MYO5A: variants seen among roughly 807,000 people sequenced by gnomAD.
MYO5A encodes the protein unconventional myosin-Va.
Under a neutral mutation model 249.7 loss-of-function variants are expected in MYO5A, and 98 were observed. That is an observed-to-expected ratio of 0.39 (90% CI 0.33 to 0.46). The LOEUF (loss-of-function observed/expected upper bound fraction) is 0.46, where lower values mean the gene tolerates loss of function less well. MYO5A is among the 20% of genes least tolerant of loss of function. The pLI is 0.98. For synonymous variants in MYO5A, 778 were observed against 810.6 expected (o/e 0.96, Z 0.68); for missense variants, 1,696 against 2,308.8 (o/e 0.73, Z 5.44).
chr15:52,327,701 C>T, intron 36 of MYO5A, 151 bp downstream of exon 36: 1 of 823,210 alleles, frequency 1.2e-6, no homozygotes, highest in Admixed American at 1.8e-5. Context: ...CACAGCAAAA[C>T]CCTGTCTCAA....
At chr15:52,369,600 C>T (rs1295795582) in intron 22 of MYO5A, among the ~76,000 whole-genome samples, 1 of 152,178 alleles carries the variant, frequency 6.6e-6, no homozygotes, top group African/African-American at 2.4e-5. Context: ...CCTGCTTGGA[C>T]TTCTTAATAC....
At position 52,397,279 on chromosome 15, in the gene MYO5A, C is replaced by G; in HGVS notation, c.1241G>C (p.Trp414Ser). The G allele has an allele frequency of 6.2e-7, 1 of 1,614,058 alleles. No individual in the cohort carries two copies. ...AGCCTGATTGACATTATCTACAATC[C>G]AGTTAAAGAGCTTGGCATAGATGTG... Reference protein sequence around the residue: ...AKHIYAKLFNWIVDNVNQALH... With the variant: ...AKHIYAKLFNSIVDNVNQALH... Residue 414 changes from tryptophan to serine, a missense_variant, in exon 10 of 42, where the codon TGG (tryptophan) becomes TCG (serine). Coordinates refer to ENST00000399233, the MANE Select transcript of MYO5A (RefSeq NM_001382347.1).
intron 1 of MYO5A, among the ~76,000 whole-genome samples, chr15:52,504,881 T>TC (rs2077235103): frequency 6.8e-6 from 1 of 146,212 alleles, no homozygotes; most frequent in Non-Finnish European, 1.5e-5. Flanking sequence ...ACAGCGAGAC[T>TC]CCATCTCAAA....
intron 3 of MYO5A, among the ~76,000 whole-genome samples, chr15:52,426,816 T>C (rs140856991): frequency 9.0e-4 from 137 of 152,300 alleles, no homozygotes; most frequent in African/African-American, 3.1e-3. Flanking sequence ...AGAATTTTTC[T>C]GTAGGTGTAT....
chr15:52,455,088 G>C (rs895166621), intron 1 of MYO5A, among the ~76,000 whole-genome samples: 1 of 151,616 alleles, frequency 6.6e-6, no homozygotes, highest in Non-Finnish European at 1.5e-5. Flanking sequence ...AAGATAAAAA[G>C]AGAGAAGACC....
At chr15:52,411,983 C>T (rs573787263) in intron 5 of MYO5A, among the ~76,000 whole-genome samples, 2 of 152,108 alleles carry the variant, frequency 1.3e-5, no homozygotes, top group Non-Finnish European at 2.9e-5. Context: ...AGATGTTACC[C>T]CTCTTGATAT....
chr15:52,387,741 CA>C (rs2042028369), intron 14 of MYO5A, 87 bp downstream of exon 14: 1 of 1,060,754 alleles, frequency 9.4e-7, no homozygotes, highest in Non-Finnish European at 1.4e-6. Context: ...AAAACTGAAA[CA>C]GATTTTTGTT....
rs1437490319 is a variant in MYO5A, at chr15:52,433,243, A to T, written c.70T>A (p.Ser24Thr). The change falls in exon 2 of 42, where the codon TCA becomes ACA. Residue 24 changes from serine (S) to threonine (T), a missense_variant. Ser to Thr is a moderately conservative substitution (Grantham distance 58, BLOSUM62 1). This residue lies in a region of MYO5A where 197 missense variants were observed against 320.3 expected (regional missense o/e 0.62). Transcript: ENST00000399233. ...WIPDPEEVWK[S>T]AELLKDYKPG... ...TTATAATCTTTGAGCAGCTCTGCTG[A>T]CTTCCAGACTTCCTCTGGATCAGGT... 1 of 1,613,764 alleles carries T rather than the reference A, an allele frequency of 6.2e-7. No individual in the cohort carries two copies. The highest frequency in any genetic ancestry group is 8.5e-7 in the Non-Finnish European group (1 of 1,179,910).
At position 52,476,219 on chromosome 15, in the gene MYO5A, C is replaced by CT. The variant is rs202003855; in HGVS notation, c.28-42935dup. 2.0e-3 allele frequency among the ~76,000 whole-genome samples: 301 copies of CT among 151,024 alleles called. 2 individuals carry two copies. The highest frequency in any genetic ancestry group is 3.6e-3 in the African/African-American group (150 of 41,192). On this transcript the variant is annotated intron_variant, in intron 1 of 41. Transcript: ENST00000399233. ...CAGAGACTAGGATTGCAACCCCTGC[C>CT]TTTTTTTTTGTTTTCCATTTGCTTG...
Position 52,364,684 on chromosome 15 carries a change from A to G in MYO5A, c.3179T>C (p.Leu1060Ser). Reference sequence around the variant, plus strand: ...TTCCAGTTGTTTCGTTTCTTCTACTAACTTCTTCTCCATAGTTTCTGAAAT... The same window carrying G: ...TTCCAGTTGTTTCGTTTCTTCTACTGACTTCTTCTCCATAGTTTCTGAAAT... The part of the protein sequence containing the change: ...KEMTETMEKK[L>S]VEETKQLELD... Residue 1060 changes from leucine to serine, a missense_variant, in exon 24 of 42, where the codon TTA becomes TCA. Physicochemically the swap from Leu to Ser is moderately radical, Grantham distance 145 (BLOSUM62 -2). Coordinates refer to ENST00000399233, the MANE Select transcript of MYO5A (RefSeq NM_001382347.1). 8 of 1,613,842 alleles carry G rather than the reference A, an allele frequency of 5.0e-6. No homozygotes were observed. The highest frequency in any genetic ancestry group is 6.8e-6 in the Non-Finnish European group (8 of 1,179,898).
chr15:52,450,013 T>C (rs1040298257), intron 1 of MYO5A, among the ~76,000 whole-genome samples: 7 of 151,728 alleles, frequency 4.6e-5, no homozygotes, highest in Non-Finnish European at 8.8e-5. Flanking sequence ...AAAAAAAAAA[T>C]TGAATTCAGG....
intron 1 of MYO5A, among the ~76,000 whole-genome samples, chr15:52,465,073 A>G (rs1409317074): frequency 6.6e-6 from 1 of 152,204 alleles, no homozygotes; most frequent in East Asian, 1.9e-4. Context: ...GATGAGCACT[A>G]GAAGGGAGAT....
chr15:52,470,611 T>C (rs1392468151), intron 1 of MYO5A, among the ~76,000 whole-genome samples: 8 of 149,592 alleles, frequency 5.3e-5, no homozygotes, highest in East Asian at 2.0e-4. Context: ...GATCGCACCA[T>C]TGCACTCCAG....
intron 2 of MYO5A, among the ~76,000 whole-genome samples, chr15:52,428,912 G>C (rs541300062): frequency 2.0e-5 from 3 of 152,298 alleles, no homozygotes; most frequent in African/African-American, 7.2e-5. Context: ...CAATATAAAA[G>C]AGTGGTCGAG....
At chr15:52,435,718 TTAAC>T (rs1431172607) in intron 1 of MYO5A, 1 of 442,554 alleles carries the variant, frequency 2.3e-6, no homozygotes, top group Non-Finnish European at 4.5e-6. Context: ...TATAAGGTTA[TTAAC>T]TAACTTTTAG....
intron 1 of MYO5A, among the ~76,000 whole-genome samples, chr15:52,445,420 T>C (rs533660006): frequency 6.6e-6 from 1 of 152,272 alleles, no homozygotes; most frequent in South Asian, 2.1e-4. Context: ...CCTTTTCTTA[T>C]AACTTACCCA....
intron 3 of MYO5A, 127 bp downstream of exon 3, chr15:52,428,271 G>A (rs1045396039): frequency 1.1e-5 from 10 of 945,922 alleles, no homozygotes; most frequent in Admixed American, 3.6e-5. Flanking sequence ...TTCTGATAAC[G>A]CTCAAGTGAT....
In MYO5A at chr15:52,408,252, AC is replaced by A. The variant is rs1353924950; in HGVS notation, c.757-113del. 152 of 679,226 alleles carry A rather than the reference AC, an allele frequency of 2.2e-4. No individual in the cohort carries two copies. The Middle Eastern group carries it at 4.7e-3, about 21-fold the overall frequency. The allele number at this position is 679,226 out of a possible 1,614,324, so 42.1% of individuals were successfully genotyped here. Reference sequence around the variant, plus strand: ...TATCTCAGTTGGTTAAATAAATTATACTTTCCTATATTTCCTAATACTTATT... The same window carrying A: ...TATCTCAGTTGGTTAAATAAATTATATTTCCTATATTTCCTAATACTTATT... On this transcript the variant is annotated intron_variant, in intron 6 of 41. Coordinates refer to ENST00000399233, the MANE Select transcript of MYO5A (RefSeq NM_001382347.1).
intron 1 of MYO5A, among the ~76,000 whole-genome samples, chr15:52,487,160 A>G (rs1299094649): frequency 1.3e-5 from 2 of 152,164 alleles, no homozygotes; most frequent in Admixed American, 6.5e-5. Context: ...TCACTCTTGT[A>G]ATGCCAACAC....
Sources: allele counts gnomAD v4.1 joint callset (sites outside exome capture counted in the v4.1 genomes callset), GRCh38; gene constraint gnomAD v4.1.1; regional missense constraint gnomAD v4.1.1; transcripts MANE v1.5; gene names NCBI Gene and HGNC (gene_info 2026-07-23, HGNC 2026-07-21).